Variants in MARCHF1 observed in about 807,000 individuals in gnomAD.
MARCHF1 encodes the protein membrane associated ring-CH-type finger 1.
Under a neutral mutation model 54.2 loss-of-function variants are expected in MARCHF1, and 40 were observed. The ratio of observed to expected loss-of-function variants is 0.74; its 90% CI spans 0.57 to 0.96. The LOEUF (loss-of-function observed/expected upper bound fraction) is 0.96. Among genes scored for constraint, MARCHF1 ranks in the 40% least tolerant of loss-of-function variants. The pLI is 0.00. For missense variants in MARCHF1, 586 were observed against 656.5 expected, an observed-to-expected ratio of 0.89 and a Z score of 1.17; for synonymous variants, 236 against 236.3, an observed-to-expected ratio of 1.00 and a Z score of 0.01.
At chr4:164,351,052 G>A (rs1018664115) in intron 1 of MARCHF1, among the ~76,000 whole-genome samples, 5 of 152,180 alleles carry the variant, frequency 3.3e-5, no homozygotes, top group Admixed American at 1.3e-4. Flanking sequence ...GCGCTTTTCA[G>A]ACCAGCTTAA....
At chr4:164,188,907 A>G (rs1335925158) in intron 1 of MARCHF1, 2 of 771,906 alleles carry the variant, frequency 2.6e-6, no homozygotes, top group Admixed American at 1.7e-5. Flanking sequence ...GCCTATTTCA[A>G]TGATGCCCAA....
chr4:164,318,678 C>T (rs1387885179), intron 1 of MARCHF1, among the ~76,000 whole-genome samples: 1 of 152,176 alleles, frequency 6.6e-6, no homozygotes, highest in East Asian at 1.9e-4. Flanking sequence ...TGAGTACTTT[C>T]ACAGACTGTG....
At chr4:163,651,533 T>TA (rs1198215207) in intron 5 of MARCHF1, among the ~76,000 whole-genome samples, 4 of 103,168 alleles carry the variant, frequency 3.9e-5, no homozygotes, top group Non-Finnish European at 7.4e-5. Context: ...TACTTTTTTT[T>TA]TTTTTTTTTT....
chr4:163,606,584 G>A (rs1741150392), intron 7 of MARCHF1, among the ~76,000 whole-genome samples: 1 of 152,004 alleles, frequency 6.6e-6, no homozygotes, highest in Admixed American at 6.6e-5. Context: ...GCATATTGAA[G>A]CATGCCTAAA....
chr4:163,978,919 G>T (rs1165313064), intron 3 of MARCHF1, among the ~76,000 whole-genome samples: 2 of 151,548 alleles, frequency 1.3e-5, no homozygotes, highest in African/African-American at 2.4e-5. Context: ...TATAGACAGG[G>T]TATCATTATG....
intron 4 of MARCHF1, 21 bp from the exon 5 acceptor site, chr4:163,700,884 CATTA>C: frequency 6.6e-7 from 1 of 1,518,460 alleles, no homozygotes; most frequent in South Asian, 1.2e-5. Flanking sequence ...AAATGGGAAA[CATTA>C]ATTAAAAGAA....
chr4:163,604,216 G>A (rs1403530784), intron 7 of MARCHF1, among the ~76,000 whole-genome samples: 3 of 152,052 alleles, frequency 2.0e-5, no homozygotes, highest in Non-Finnish European at 4.4e-5. Context: ...GACCTTGCCT[G>A]TATCTCCCTC....
chr4:163,797,506 A>G (rs1186246551), intron 4 of MARCHF1, among the ~76,000 whole-genome samples: 1 of 152,018 alleles, frequency 6.6e-6, no homozygotes, highest in African/African-American at 2.4e-5. Context: ...TCTAGAACTC[A>G]GGATAGATTG....
chr4:163,574,445 T>A (rs1739965921), intron 8 of MARCHF1, among the ~76,000 whole-genome samples: 1 of 151,260 alleles, frequency 6.6e-6, no homozygotes, highest in African/African-American at 2.4e-5. Context: ...TTTATGGTTT[T>A]AGGTCTAACG....
intron 3 of MARCHF1, among the ~76,000 whole-genome samples, chr4:163,895,440 T>G (rs1750784692): frequency 6.6e-6 from 1 of 152,198 alleles, no homozygotes; most frequent in Admixed American, 6.5e-5. Context: ...AGCACCATAT[T>G]TGTTATGGGA....
chr4:163,636,977 G>C (rs1742354953), intron 5 of MARCHF1, among the ~76,000 whole-genome samples: 4 of 152,052 alleles, frequency 2.6e-5, no homozygotes, highest in Admixed American at 1.3e-4. Context: ...ACAAACCTCA[G>C]AAAAACAAGC....
In MARCHF1 at chr4:163,734,999, T is replaced by C. The variant is rs544279916; in HGVS notation, c.112-34136A>G. Among the ~76,000 whole-genome samples, 59 of 152,338 alleles carry C rather than the reference T, an allele frequency of 3.9e-4. No homozygotes were observed. In the South Asian group the frequency reaches 0.012, roughly 30 times the overall value. Reference sequence around the variant, plus strand: ...CTTGCTAGTGTTTTATACTTTTTATTATTAACTTCATCTAGTCTTCCTTTT... The same window carrying C: ...CTTGCTAGTGTTTTATACTTTTTATCATTAACTTCATCTAGTCTTCCTTTT... On this transcript the variant is annotated intron_variant, in intron 4 of 9. Transcript: ENST00000514618.
In MARCHF1 at chr4:164,152,303, T is replaced by C. The variant is rs528995339; in HGVS notation, c.-322-40641A>G. On this transcript the variant is annotated intron_variant, in intron 1 of 9. Transcript: ENST00000514618. ...GAATTTTTAAAATATATATTGTATT[T>C]CATCATTTCTTACTTTCTGCTGTCC... is the stretch of plus-strand genomic sequence containing the variant. 2.6e-5 allele frequency among the ~76,000 whole-genome samples: 4 copies of C among 152,288 alleles called. No homozygotes were observed. The East Asian group carries it at 7.7e-4, about 29-fold the overall frequency.
intron 1 of MARCHF1, among the ~76,000 whole-genome samples, chr4:164,212,499 T>C (rs1286662863): frequency 6.6e-6 from 1 of 152,224 alleles, no homozygotes; most frequent in Non-Finnish European, 1.5e-5. Flanking sequence ...GTATATTTTC[T>C]GTTTTTTCAT....
At chr4:164,029,831 G>A (rs566463704) in intron 2 of MARCHF1, among the ~76,000 whole-genome samples, 1 of 152,290 alleles carries the variant, frequency 6.6e-6, no homozygotes, top group South Asian at 2.1e-4. Flanking sequence ...CTGACCTCAG[G>A]TGATCCACCC....
chr4:163,735,344 C>G (rs185242424), intron 4 of MARCHF1, among the ~76,000 whole-genome samples: 47 of 152,220 alleles, frequency 3.1e-4, no homozygotes, highest in African/African-American at 1.1e-3. Context: ...GAGAACTTGT[C>G]TGTTTTGTCC....
At chr4:164,229,322 C>T (rs1019168050) in intron 1 of MARCHF1, among the ~76,000 whole-genome samples, 1 of 152,178 alleles carries the variant, frequency 6.6e-6, no homozygotes, top group African/African-American at 2.4e-5. Flanking sequence ...TTTGTGTGCT[C>T]TCTCTTTGGA....
chr4:164,212,377 C>T (rs1157364705), intron 1 of MARCHF1, among the ~76,000 whole-genome samples: 1 of 152,144 alleles, frequency 6.6e-6, no homozygotes, highest in East Asian at 1.9e-4. Context: ...ATGAGTCAGA[C>T]TTTCAAGGTG....
chr4:163,880,791 T>C (rs1008676968), intron 3 of MARCHF1, among the ~76,000 whole-genome samples: 20 of 152,216 alleles, frequency 1.3e-4, no homozygotes, highest in African/African-American at 4.8e-4. Context: ...ATTTATTGCA[T>C]AGTGATTTTT....
Sources: allele counts gnomAD v4.1 joint callset (sites outside exome capture counted in the v4.1 genomes callset), GRCh38; gene constraint gnomAD v4.1.1; transcripts MANE v1.5; gene names NCBI Gene and HGNC (gene_info 2026-07-23, HGNC 2026-07-21).